The following ANXA7 variants were observed in gnomAD, a reference collection of about 807,000 sequenced individuals.
ANXA7 encodes the protein annexin VII.
In ANXA7, 55 loss-of-function variants were observed where a neutral mutation model predicts 64.9. The observed-to-expected ratio is 0.85, with a 90% confidence interval of 0.68 to 1.06. The LOEUF is 1.06. Ranked by LOEUF, ANXA7 falls within the 50% of genes least tolerant of loss-of-function variation. ANXA7 has a pLI of 0.00. For missense variants in ANXA7, 548 were observed against 582.1 expected (o/e 0.94, Z 0.60); for synonymous variants, 200 against 192.4 (o/e 1.04, Z -0.33).
intron 1 of ANXA7, among the ~76,000 whole-genome samples, chr10:73,409,571 T>C (rs192008987): frequency 6.6e-6 from 1 of 152,310 alleles, no homozygotes; most frequent in East Asian, 1.9e-4. Flanking sequence ...AGAATCAATA[T>C]TGTGAAAATG....
chr10:73,391,245 A>T (rs2055477797), intron 5 of ANXA7, among the ~76,000 whole-genome samples: 1 of 151,738 alleles, frequency 6.6e-6, no homozygotes, highest in Admixed American at 6.6e-5. Flanking sequence ...TTCTCAGCAA[A>T]ATCTGCTACC....
chr10:73,392,486 CA>C (rs1017495330), intron 5 of ANXA7, among the ~76,000 whole-genome samples: 2 of 152,210 alleles, frequency 1.3e-5, no homozygotes, highest in African/African-American at 4.8e-5. Context: ...AGTAGCACAT[CA>C]AAAAGCTTAT....
intron 12 of ANXA7, among the ~76,000 whole-genome samples, chr10:73,377,922 T>TGG: frequency 6.7e-6 from 1 of 150,342 alleles, no homozygotes; most frequent in East Asian, 2.0e-4. Flanking sequence ...TGTGTGTGTG[T>TGG]GTGTGTGTGC....
chr10:73,402,249 C>A (rs1052828442), intron 1 of ANXA7, among the ~76,000 whole-genome samples: 10 of 152,150 alleles, frequency 6.6e-5, no homozygotes, highest in Non-Finnish European at 1.2e-4. Context: ...AGTATAGTGG[C>A]ACAATCACAG....
intron 9 of ANXA7, 59 bp downstream of exon 9, chr10:73,383,116 C>A (rs1304899221): frequency 6.8e-7 from 1 of 1,474,312 alleles, no homozygotes; most frequent in Non-Finnish European, 9.1e-7. Flanking sequence ...TGCTCACTGG[C>A]AAAAGGCTTT....
intron 1 of ANXA7, among the ~76,000 whole-genome samples, chr10:73,412,499 G>GA (rs2055860007): frequency 7.1e-6 from 1 of 140,612 alleles, no homozygotes; most frequent in Non-Finnish European, 1.6e-5. Context: ...AGTTTTTTGG[G>GA]TTTTTTTTTT....
intron 5 of ANXA7, among the ~76,000 whole-genome samples, chr10:73,388,634 C>T (rs779044315): frequency 3.9e-5 from 6 of 152,202 alleles, no homozygotes; most frequent in Non-Finnish European, 8.8e-5. Context: ...GATAGCCAGA[C>T]ACCAAACTTC....
chr10:73,379,751 A>G, intron 11 of ANXA7, 128 bp downstream of exon 11: 4 of 907,066 alleles, frequency 4.4e-6, no homozygotes, highest in Non-Finnish European at 7.0e-6. Flanking sequence ...ACAAACCCCA[A>G]AGGATTAGAT....
intron 5 of ANXA7, among the ~76,000 whole-genome samples, chr10:73,395,189 C>T (rs902659803): frequency 1.3e-5 from 2 of 152,152 alleles, no homozygotes; most frequent in African/African-American, 2.4e-5. Flanking sequence ...CAGCTTTGTC[C>T]TTCACTAGTT....
intron 1 of ANXA7, among the ~76,000 whole-genome samples, chr10:73,401,265 C>CACACACACACA (rs1564531895): frequency 1.8e-4 from 25 of 138,566 alleles, no homozygotes; most frequent in African/African-American, 6.9e-4. Flanking sequence ...ACATACACAA[C>CACACACACACA]ACACACACAC....
intron 2 of ANXA7, among the ~76,000 whole-genome samples, chr10:73,399,199 A>C (rs1396076998): frequency 1.3e-5 from 2 of 152,182 alleles, no homozygotes; most frequent in Non-Finnish European, 2.9e-5. Flanking sequence ...ACACTGCATG[A>C]AACAAAGCCT....
intron 5 of ANXA7, among the ~76,000 whole-genome samples, chr10:73,390,703 TATATATATATATATATAAAA>T (rs1218510465): frequency 4.4e-4 from 59 of 133,412 alleles, no homozygotes; most frequent in African/African-American, 1.8e-3. Context: ...AATATATATA[TATATATATATATATATAAAA>T]ATATATATAT....
chr10:73,383,722 G>A lies in ANXA7; in HGVS notation c.634-32C>T, dbSNP rs375143624. 785 of 1,381,060 alleles carry A rather than the reference G, an allele frequency of 5.7e-4. 3 individuals carry two copies. The highest frequency in any genetic ancestry group is 1.5e-4 in the Admixed American group (8 of 53,966). 85.6% of individuals were successfully genotyped at this position (1,381,060 alleles called of 1,614,324 possible). On this transcript the variant is annotated intron_variant, in intron 7 of 12. Coordinates refer to ENST00000372921, the MANE Select transcript of ANXA7 (RefSeq NM_001156.5). ...AATCACAAATACAAGCTAAGTATAT[G>A]TGTTCTCCAAATTTTGTCACTTAAA...
intron 11 of ANXA7, among the ~76,000 whole-genome samples, chr10:73,379,317 CTG>C (rs2055236136): frequency 1.3e-5 from 2 of 152,182 alleles, no homozygotes; most frequent in Admixed American, 1.3e-4. Flanking sequence ...GTGTGAGCTA[CTG>C]CCCCTGGCCC....
intron 1 of ANXA7, among the ~76,000 whole-genome samples, chr10:73,401,787 C>T (rs1277030640): frequency 6.6e-6 from 1 of 150,934 alleles, no homozygotes; most frequent in Non-Finnish European, 1.5e-5. Flanking sequence ...CAGGCGTAAG[C>T]CACCTCACCC....
chr10:73,398,844 G>A (rs760718356), intron 2 of ANXA7, among the ~76,000 whole-genome samples: 2 of 152,018 alleles, frequency 1.3e-5, no homozygotes, highest in Non-Finnish European at 2.9e-5. Context: ...ATCACACACC[G>A]GATGTGACAT....
intron 5 of ANXA7, among the ~76,000 whole-genome samples, chr10:73,389,925 T>C (rs2055441373): frequency 6.6e-6 from 1 of 152,168 alleles, no homozygotes; most frequent in Non-Finnish European, 1.5e-5. Context: ...CCCAGAATAA[T>C]TCAAGAAGTT....
chr10:73,397,263 G>C lies in ANXA7; in HGVS notation c.271C>G (p.Gln91Glu). The change falls in exon 4 of 13, where the codon CAA becomes GAA. Residue 91 changes from glutamine (Q) to glutamate (E), a missense_variant. Physicochemically the swap from Gln to Glu is conservative, Grantham distance 29. Transcript: ENST00000372921. ...APSYPGVPPG[Q>E]GFGVPPGGAG... ...CCACCTGGTGGGACTCCAAATCCTT[G>C]GCCTGGAGGAACTAGAGAAAAGAAC... 1 of 1,610,214 alleles carries C rather than the reference G, an allele frequency of 6.2e-7. No homozygotes were observed. Among genetic ancestry groups the C allele is most frequent in the Non-Finnish European group, 8.5e-7 (1 of 1,177,522 alleles).
chr10:73,376,779 A>C (rs1163832569), intron 12 of ANXA7, among the ~76,000 whole-genome samples: 1 of 152,230 alleles, frequency 6.6e-6, no homozygotes, highest in East Asian at 1.9e-4. Context: ...ATGAATTAAA[A>C]AAAAAACCAA....
Sources: gnomAD v4.1 joint callset for allele counts (sites outside exome capture counted in the v4.1 genomes callset) on GRCh38, gnomAD v4.1.1 for gene constraint, MANE v1.5 for transcripts, NCBI Gene and HGNC (gene_info 2026-07-23, HGNC 2026-07-21) for gene names.